Variants in CYBC1 observed in about 807,000 individuals in gnomAD.
CYBC1 encodes the protein cytochrome b-245 chaperone 1.
A neutral mutation model predicts 21.7 loss-of-function variants in CYBC1; 22 were observed. That is an observed-to-expected ratio of 1.02 (90% CI 0.73 to 1.45). CYBC1 has a LOEUF of 1.45. Ranked by LOEUF, CYBC1 falls within the 40% of genes most tolerant of loss-of-function variation. The pLI, the probability that CYBC1 is intolerant of heterozygous loss-of-function variation, is 0.00. For synonymous variants in CYBC1, 112 were observed against 98.7 expected, an observed-to-expected ratio of 1.13 and a Z score of -0.80; for missense variants, 237 against 242.1, an observed-to-expected ratio of 0.98 and a Z score of 0.14.
rs767218594 is a variant in CYBC1 at position 82,449,156 on chromosome 17, G to A, written c.85+14C>T. ...CGGTTCTGGGGTTCTGGGGAGGGACGTGGAGAGCCTTACCAACCAGCAGGG... is the reference window on the plus strand; with the variant it reads ...CGGTTCTGGGGTTCTGGGGAGGGACATGGAGAGCCTTACCAACCAGCAGGG... On this transcript the variant is annotated intron_variant, in intron 2 of 6. Coordinates refer to ENST00000306645, the MANE Select transcript of CYBC1 (RefSeq NM_001033046.4). 15 of 1,551,440 alleles carry A rather than the reference G, an allele frequency of 9.7e-6. No homozygotes were observed. Among genetic ancestry groups the A allele is most frequent in the Non-Finnish European group, 1.2e-5 (14 of 1,150,816 alleles).
rs2054044275 is a variant in CYBC1 at position 82,442,816 on chromosome 17, C to G, written c.*1188G>C. 3.9e-6 allele frequency: 2 copies of G among 511,966 alleles called. No homozygotes were observed. Among genetic ancestry groups the G allele is most frequent in the South Asian group, 6.0e-5 (2 of 33,290 alleles). The allele number at this position is 511,966 out of a possible 1,614,324, so 31.7% of individuals were successfully genotyped here. A position where few individuals can be genotyped will look rare whatever the true frequency, so the allele number is the denominator to read the frequency against. ...ACCCAGCCATTCCTGGGCCTGCCGC[C>G]TAGGGGCTCACAGGGCCCAGGAGTC... On this transcript the variant is annotated 3_prime_UTR_variant, in exon 7 of 7. Coordinates refer to ENST00000306645, the MANE Select transcript of CYBC1 (RefSeq NM_001033046.4). This position sits in a 1 kb window ranked among gnomAD's most constrained non-coding sequence, Gnocchi z 6.8.
At chr17:82,446,519 G>A in intron 4 of CYBC1, 104 bp downstream of exon 4, 1 of 1,090,516 alleles carries the variant, frequency 9.2e-7, no homozygotes, top group South Asian at 1.3e-5. Context: ...AGGACGGGGA[G>A]GCGCTAGGCC....
At chr17:82,446,445 T>C (rs1449274451) in intron 4 of CYBC1, among the ~76,000 whole-genome samples, 178 bp downstream of exon 4, 1 of 152,122 alleles carries the variant, frequency 6.6e-6, no homozygotes, top group East Asian at 1.9e-4. Flanking sequence ...CCAAGAACGG[T>C]CCCAGATGAG....
At position 82,443,807 on chromosome 17, in the gene CYBC1, G is replaced by T. The variant is rs565270936; in HGVS notation, c.*197C>A. Reference sequence around the variant, plus strand: ...CGGTGCACGGGCTCAGGCACACCGGGAATGTGCCACGGGTCCTGTGGGCGG... The same window carrying T: ...CGGTGCACGGGCTCAGGCACACCGGTAATGTGCCACGGGTCCTGTGGGCGG... On this transcript the variant is annotated 3_prime_UTR_variant, in exon 7 of 7. Coordinates refer to ENST00000306645, the MANE Select transcript of CYBC1 (RefSeq NM_001033046.4). This position sits in a 1 kb window ranked among gnomAD's most constrained non-coding sequence, Gnocchi z 6.7. 3.3e-5 allele frequency: 26 copies of T among 787,472 alleles called. 1 individual carries two copies. The African/African-American group carries it at 4.2e-4, about 13-fold the overall frequency. The allele number at this position is 787,472 out of a possible 1,614,324, so 48.8% of individuals were successfully genotyped here.
chr17:82,444,745 C>T, intron 5 of CYBC1, 154 bp from the exon 6 acceptor site: 3 of 983,392 alleles, frequency 3.1e-6, no homozygotes, highest in Non-Finnish European at 4.4e-6. Flanking sequence ...CCCCGGAGGA[C>T]TGCTGTGGCC....
At chr17:82,447,875 G>C in intron 2 of CYBC1, 1 of 588,314 alleles carries the variant, frequency 1.7e-6, no homozygotes, top group Non-Finnish European at 3.0e-6. Flanking sequence ...AAGGAAGAGC[G>C]CTTGAGCTCA....
At position 82,444,468 on chromosome 17, in the gene CYBC1, C is replaced by G; in HGVS notation, c.422G>C (p.Ser141Thr). 1 of 1,612,680 alleles carries G rather than the reference C, an allele frequency of 6.2e-7. No homozygotes were observed. Among genetic ancestry groups the G allele is most frequent in the Non-Finnish European group, 8.5e-7 (1 of 1,179,070 alleles). Residue 141 changes from serine (S) to threonine (T), a missense_variant, in exon 6 of 7, where the codon AGT (serine) becomes ACT (threonine). Transcript: ENST00000306645. Reference sequence around the variant, plus strand: ...TTACCTGCGGTGGCCCATGACTGCACTCTGCGTGAGGGGGTGGGAGAAGCC... The same window carrying G: ...TTACCTGCGGTGGCCCATGACTGCAGTCTGCGTGAGGGGGTGGGAGAAGCC... Reference protein sequence around the residue: ...ATGFSHPLTQSAVMGHRSDVE... With the variant: ...ATGFSHPLTQTAVMGHRSDVE...
chr17:82,449,077 G>C, intron 2 of CYBC1, 93 bp downstream of exon 2: 1 of 1,033,636 alleles, frequency 9.7e-7, no homozygotes, highest in Non-Finnish European at 1.4e-6. Flanking sequence ...CAAGGTAATA[G>C]AAAAAAGAGA....
rs961927407 is a variant in CYBC1 at position 82,447,025 on chromosome 17, G to A, written c.128-329C>T. The A allele has an allele frequency of 2.4e-5, 10 of 423,732 alleles. No homozygotes were observed. In the Admixed American group the frequency reaches 3.7e-4, roughly 16 times the overall value. 26.2% of individuals were successfully genotyped at this position (423,732 alleles called of 1,614,324 possible). On this transcript the variant is annotated intron_variant, in intron 3 of 6. Coordinates refer to ENST00000306645, the MANE Select transcript of CYBC1 (RefSeq NM_001033046.4). ...TAGATCCTCAAGAGCATCTCTCCGG[G>A]AATATTTGATGACCCAAAAACACAG...
At chr17:82,446,793 C>G (rs985126290) in intron 3 of CYBC1, 97 bp from the exon 4 acceptor site, 8 of 1,301,236 alleles carry the variant, frequency 6.1e-6, no homozygotes, top group African/African-American at 1.5e-5. Flanking sequence ...GGCCAGAGCC[C>G]ACGCTTGCAA....
intron 3 of CYBC1, 166 bp from the exon 4 acceptor site, chr17:82,446,862 C>G (rs984632189): frequency 4.7e-6 from 3 of 637,862 alleles, no homozygotes; most frequent in South Asian, 1.8e-5. Context: ...AGGACCCACA[C>G]GCGGCACACC....
In CYBC1 at chr17:82,446,326, G is replaced by A. The variant is rs151134549; in HGVS notation, c.201+297C>T. 3.0e-3 allele frequency among the ~76,000 whole-genome samples: 464 copies of A among 152,332 alleles called. 1 individual carries two copies. The highest frequency in any genetic ancestry group is 0.011 in the African/African-American group (440 of 41,562). ...GCTCCGAGGTGGGAGGGCCGGCCAC[G>A]GGGAAAGCTGACTCGCATCCCATTG... On this transcript the variant is annotated intron_variant, in intron 4 of 6. Coordinates refer to ENST00000306645, the MANE Select transcript of CYBC1 (RefSeq NM_001033046.4).
intron 3 of CYBC1, chr17:82,447,104 A>G (rs916310180): frequency 3.2e-6 from 1 of 309,838 alleles, no homozygotes; most frequent in South Asian, 3.3e-5. Context: ...CTGTAATCCC[A>G]GCACTTTGGG....
intron 2 of CYBC1, 21 bp from the exon 3 acceptor site, chr17:82,447,642 C>A: frequency 6.3e-7 from 1 of 1,582,490 alleles, no homozygotes; most frequent in Non-Finnish European, 8.6e-7. Context: ...AAAGTGACTG[C>A]CTGCCTATTG....
In CYBC1 at chr17:82,443,789, C is replaced by T. The variant is rs774121632; in HGVS notation, c.*215G>A. 5.2e-5 allele frequency: 46 copies of T among 877,236 alleles called. 1 individual carries two copies. The highest frequency in any genetic ancestry group is 1.3e-4 in the South Asian group (10 of 76,496). The allele number at this position is 877,236 out of a possible 1,614,324, so 54.3% of individuals were successfully genotyped here. Reference sequence around the variant, plus strand: ...GGCCACGGGTCCTGTGGGCGGTGCACGGGCTCAGGCACACCGGGAATGTGC... The same window carrying T: ...GGCCACGGGTCCTGTGGGCGGTGCATGGGCTCAGGCACACCGGGAATGTGC... On this transcript the variant is annotated 3_prime_UTR_variant, in exon 7 of 7. Coordinates refer to ENST00000306645, the MANE Select transcript of CYBC1 (RefSeq NM_001033046.4). The surrounding 1 kb of genome is among the most constrained non-coding windows in gnomAD (Gnocchi z 6.7).
Position 82,443,678 on chromosome 17 carries a change from G to C in CYBC1, c.*326C>G, listed in dbSNP as rs1221637816. The C allele has an allele frequency of 1.3e-6, 1 of 768,648 alleles. No homozygotes were observed. The highest frequency in any genetic ancestry group is 2.4e-6 in the Non-Finnish European group (1 of 421,192). The allele number at this position is 768,648 out of a possible 1,614,324, so 47.6% of individuals were successfully genotyped here. On this transcript the variant is annotated 3_prime_UTR_variant, in exon 7 of 7. Transcript: ENST00000306645. This position sits in a 1 kb window ranked among gnomAD's most constrained non-coding sequence, Gnocchi z 6.7. Reference sequence around the variant, plus strand: ...CGATGGAGAAAGTCTGGATGTCCTGGTCTGGCCTGCTGTTTCATGCAGTGT... The same window carrying C: ...CGATGGAGAAAGTCTGGATGTCCTGCTCTGGCCTGCTGTTTCATGCAGTGT...
Position 82,443,450 on chromosome 17 carries a change from CTCACTGCCCTTGGGGA to C in CYBC1, c.*538_*553del. The C allele has an allele frequency of 1.5e-6, 1 of 650,200 alleles. No homozygotes were observed. The highest frequency in any genetic ancestry group is 2.8e-6 in the Non-Finnish European group (1 of 352,074). The allele number at this position is 650,200 out of a possible 1,614,324, so 40.3% of individuals were successfully genotyped here. On this transcript the variant is annotated 3_prime_UTR_variant, in exon 7 of 7. Transcript: ENST00000306645. The surrounding 1 kb of genome is among the most constrained non-coding windows in gnomAD (Gnocchi z 6.7). The stretch of plus-strand genomic sequence containing the variant: ...CCAGGTAGGCCCTGGATGTTCACCC[CTCACTGCCCTTGGGGA>C]AGCACCTGACCGCTGGGGATGTCCA...
At chr17:82,444,693 G>A (rs2054176477) in intron 5 of CYBC1, 102 bp from the exon 6 acceptor site, 2 of 1,430,396 alleles carry the variant, frequency 1.4e-6, no homozygotes, top group African/African-American at 2.8e-5. Context: ...GCCACACTTG[G>A]TTGGCAGCAA....
chr17:82,443,450 C>A lies in CYBC1; in HGVS notation c.*554G>T. On this transcript the variant is annotated 3_prime_UTR_variant, in exon 7 of 7. Coordinates refer to ENST00000306645, the MANE Select transcript of CYBC1 (RefSeq NM_001033046.4). This position sits in a 1 kb window ranked among gnomAD's most constrained non-coding sequence, Gnocchi z 6.7. Reference sequence around the variant, plus strand: ...CCAGGTAGGCCCTGGATGTTCACCCCTCACTGCCCTTGGGGAAGCACCTGA... The same window carrying A: ...CCAGGTAGGCCCTGGATGTTCACCCATCACTGCCCTTGGGGAAGCACCTGA... 1.5e-6 allele frequency: 1 copy of A among 650,198 alleles called. No individual in the cohort carries two copies. 40.3% of individuals were successfully genotyped at this position (650,198 alleles called of 1,614,324 possible).
Sources: allele counts gnomAD v4.1 joint callset (sites outside exome capture counted in the v4.1 genomes callset), GRCh38; gene constraint gnomAD v4.1.1; non-coding constraint Gnocchi (gnomAD v3.1); transcripts MANE v1.5; gene names NCBI Gene and HGNC (gene_info 2026-07-23, HGNC 2026-07-21).